The following CCNH variants were observed in gnomAD, a reference collection of about 807,000 sequenced individuals.
CCNH encodes cyclin-H.
CCNH carries 31 observed loss-of-function variants against 41.9 expected under a neutral mutation model. That is an observed-to-expected ratio of 0.74 (90% confidence interval 0.56 to 1.00). CCNH has a LOEUF of 1.00. Among genes scored for constraint, CCNH ranks in the 50% least tolerant of loss-of-function variants. The pLI is 0.00. For synonymous variants in CCNH, 138 were observed against 136.1 expected, an observed-to-expected ratio of 1.01 and a Z score of -0.10; for missense variants, 362 against 388.4, an observed-to-expected ratio of 0.93 and a Z score of 0.57.
intron 9 of CCNH, chr5:87,353,276 T>C: frequency 6.9e-7 from 1 of 1,458,304 alleles, no homozygotes; most frequent in African/African-American, 1.4e-5. Context: ...AGCATTTTAT[T>C]TTAAAATGCA....
intron 7 of CCNH, 49 bp downstream of exon 7, chr5:87,399,345 G>C (rs1763216536): frequency 7.7e-7 from 1 of 1,304,798 alleles, no homozygotes; most frequent in Non-Finnish European, 1.1e-6. Flanking sequence ...GAACCAGCTG[G>C]ACTGGATAAC....
chr5:87,369,685 A>G, intron 9 of CCNH: 1 of 687,574 alleles, frequency 1.5e-6, no homozygotes, highest in Non-Finnish European at 2.5e-6. Context: ...ATCTGGTACA[A>G]TGGAGTATTA....
intron 9 of CCNH, among the ~76,000 whole-genome samples, chr5:87,350,882 A>G (rs190771052): frequency 1.9e-3 from 286 of 151,838 alleles, no homozygotes; most frequent in Non-Finnish European, 2.4e-3. Flanking sequence ...TATGTGAATC[A>G]GGTGCTGTGA....
At chr5:87,341,315 GA>G in intron 9 of CCNH, 2 of 1,347,898 alleles carry the variant, frequency 1.5e-6, no homozygotes, top group Non-Finnish European at 9.6e-7. Flanking sequence ...CCACATGAAG[GA>G]AAAATGTGAG....
chr5:87,358,201 C>A (rs1422010254), intron 9 of CCNH, among the ~76,000 whole-genome samples: 2 of 152,172 alleles, frequency 1.3e-5, no homozygotes, highest in East Asian at 3.9e-4. Flanking sequence ...GCTTTGCTTA[C>A]TTCCTGGAAC....
At chr5:87,378,686 A>T, upstream of CCNH, 1 of 863,396 alleles carries the variant, frequency 1.2e-6, no homozygotes, top group Non-Finnish European at 1.7e-6. Flanking sequence ...TACATTTATA[A>T]AAATGTTCTG....
At position 87,368,731 on chromosome 5, in the gene CCNH, T is replaced by A. The variant is rs142057791; in HGVS notation, c.*90+24039A>T. ...TAATTTTTTAGCCTTTTAGGAACTA[T>A]TTTCTGCTTAGCGTCTCAGCTACAC... On this transcript the variant is annotated intron_variant and NMD_transcript_variant, in intron 9 of 9. Transcript: ENST00000645953. Among the ~76,000 whole-genome samples the A allele has an allele frequency of 2.6e-5, 4 of 152,160 alleles. No individual in the cohort carries two copies. The East Asian group carries it at 7.7e-4, about 29-fold the overall frequency.
At chr5:87,379,978 T>A (rs1761596539), upstream of CCNH, 1 of 977,356 alleles carries the variant, frequency 1.0e-6, no homozygotes, top group Non-Finnish European at 1.5e-6. Context: ...ATGGTTAATC[T>A]TTATGAGATG....
At position 87,394,377 on chromosome 5, in the gene CCNH, A is replaced by AAAGTT. The variant is rs1762748630; in HGVS notation, c.*64_*68dup. ...TGTTTTCACATTATACTTTTTAAAT[A>AAAGTT]AAGTTAAACGTTTGATATGCTTCCT... is the stretch of plus-strand genomic sequence containing the variant. On this transcript the variant is annotated 3_prime_UTR_variant, in exon 9 of 9. Coordinates refer to ENST00000256897, the MANE Select transcript of CCNH (RefSeq NM_001239.4). 1 of 1,560,772 alleles carries AAAGTT rather than the reference A, an allele frequency of 6.4e-7. No homozygotes were observed. The highest frequency in any genetic ancestry group is 8.7e-7 in the Non-Finnish European group (1 of 1,154,494).
At chr5:87,319,674 C>G (rs567929106) in intron 9 of CCNH, among the ~76,000 whole-genome samples, 1 of 152,302 alleles carries the variant, frequency 6.6e-6, no homozygotes, top group Admixed American at 6.5e-5. Context: ...CCATTTTTCC[C>G]TCTTAGACCT....
At chr5:87,394,921 A>C in intron 8 of CCNH, 123 bp downstream of exon 8, 1 of 1,542,844 alleles carries the variant, frequency 6.5e-7, no homozygotes. Context: ...GGAAGTATGC[A>C]AAAAATGAAA....
At chr5:87,334,694 CTTAGAG>C (rs1213597017) in intron 9 of CCNH, among the ~76,000 whole-genome samples, 3 of 152,138 alleles carry the variant, frequency 2.0e-5, no homozygotes, top group South Asian at 2.1e-4. Context: ...CTGTTACACA[CTTAGAG>C]TTAAAGACAG....
chr5:87,376,482 A>G (rs1761335366), exon 1 of CCNH: 1 of 1,613,960 alleles, frequency 6.2e-7, no homozygotes, highest in Non-Finnish European at 8.5e-7. Flanking sequence ...ATTAAAAGGT[A>G]TTGAACCAGG....
chr5:87,383,620 T>A (rs1761875965), intron 9 of CCNH: 1 of 918,882 alleles, frequency 1.1e-6, no homozygotes, highest in African/African-American at 1.7e-5. Flanking sequence ...GTTCTATGAG[T>A]ACTAAAAATT....
At chr5:87,328,274 A>G (rs907972699) in intron 9 of CCNH, among the ~76,000 whole-genome samples, 1 of 152,150 alleles carries the variant, frequency 6.6e-6, no homozygotes, top group Non-Finnish European at 1.5e-5. Context: ...TACCACCAGT[A>G]TGATTCTTAT....
chr5:87,376,662 C>G, exon 1 of CCNH: 1 of 1,420,900 alleles, frequency 7.0e-7, no homozygotes, highest in Non-Finnish European at 9.8e-7. Context: ...TAATTCATAG[C>G]TTAGTAGCAC....
downstream of CCNH, among the ~76,000 whole-genome samples, chr5:87,313,532 A>G (rs1211274189): frequency 6.6e-6 from 1 of 152,202 alleles, no homozygotes; most frequent in Non-Finnish European, 1.5e-5. Context: ...TGTTTTCCTC[A>G]TCTCCCACCT....
At chr5:87,394,270 T>C (rs1762740094), downstream of CCNH, 2 of 1,315,798 alleles carry the variant, frequency 1.5e-6, no homozygotes, top group Non-Finnish European at 1.9e-6. Flanking sequence ...GGTGCTATTC[T>C]AGCTCTTTTG....
At chr5:87,390,567 G>A (rs1284269915), downstream of CCNH, among the ~76,000 whole-genome samples, 1 of 152,122 alleles carries the variant, frequency 6.6e-6, no homozygotes, top group Non-Finnish European at 1.5e-5. Context: ...AAAAATAGGA[G>A]CATGCCAAAC....
Sources: allele counts gnomAD v4.1 joint callset (sites outside exome capture counted in the v4.1 genomes callset), GRCh38; gene constraint gnomAD v4.1.1; transcripts MANE v1.5; gene names NCBI Gene and HGNC (gene_info 2026-07-23, HGNC 2026-07-21).